The following SLIT1 variants were observed in gnomAD, a reference collection of about 807,000 sequenced individuals.
SLIT1 encodes slit homolog 1 protein.
In SLIT1, 66 loss-of-function variants were observed where a neutral mutation model predicts 186.1. The ratio of observed to expected loss-of-function variants is 0.35; its 90% CI spans 0.29 to 0.44. The LOEUF (loss-of-function observed/expected upper bound fraction) is 0.44, where lower values mean the gene tolerates loss of function less well. Among genes scored for constraint, SLIT1 ranks in the 20% least tolerant of loss-of-function variants. The probability of loss-of-function intolerance (pLI) is 1.00; values close to 1 mark genes in which losing one functional copy is unlikely to be tolerated. For synonymous variants in SLIT1, 761 were observed against 833.8 expected (o/e 0.91, Z 1.50); for missense variants, 1,638 against 2,037.4 (o/e 0.80, Z 3.77).
chr10:97,065,837 G>T (rs1014632968), intron 5 of SLIT1, among the ~76,000 whole-genome samples, 178 bp downstream of exon 5: 1 of 152,202 alleles, frequency 6.6e-6, no homozygotes, highest in African/African-American at 2.4e-5. Flanking sequence ...GGCAAGGGCT[G>T]CCTGTTTCCT....
intron 4 of SLIT1, among the ~76,000 whole-genome samples, chr10:97,116,232 C>T (rs1589399604): frequency 6.6e-6 from 1 of 152,126 alleles, no homozygotes; most frequent in East Asian, 1.9e-4. Flanking sequence ...GAGGAGGCAG[C>T]AGTAGGAGAG....
At chr10:97,030,534 C>T (rs971889323) in intron 25 of SLIT1, among the ~76,000 whole-genome samples, 1 of 152,242 alleles carries the variant, frequency 6.6e-6, no homozygotes, top group Non-Finnish European at 1.5e-5. Flanking sequence ...ATGGTCATGA[C>T]AACCTTCACT....
chr10:97,101,634 G>A (rs1023666235), intron 4 of SLIT1, among the ~76,000 whole-genome samples: 1 of 152,224 alleles, frequency 6.6e-6, no homozygotes, highest in Non-Finnish European at 1.5e-5. Context: ...TATGGGTTTA[G>A]GGCCTGCCCT....
chr10:97,118,756 G>T (rs1172945348), intron 4 of SLIT1, among the ~76,000 whole-genome samples: 1 of 152,096 alleles, frequency 6.6e-6, no homozygotes, highest in African/African-American at 2.4e-5. Flanking sequence ...TAACCTCTCT[G>T]AACTATACAT....
chr10:97,141,752 G>A (rs967771431), intron 4 of SLIT1, among the ~76,000 whole-genome samples: 25 of 138,088 alleles, frequency 1.8e-4, no homozygotes, highest in Non-Finnish European at 3.3e-4. Flanking sequence ...GTATCGTATC[G>A]TATCGTATCG....
At chr10:97,044,208 A>G (rs1390449207) in intron 18 of SLIT1, among the ~76,000 whole-genome samples, 1 of 152,238 alleles carries the variant, frequency 6.6e-6, no homozygotes, top group Non-Finnish European at 1.5e-5. Flanking sequence ...CAGCCTGGGC[A>G]ACATAGCGAG....
chr10:97,023,516 G>A (rs1848519298), intron 25 of SLIT1, among the ~76,000 whole-genome samples: 1 of 152,150 alleles, frequency 6.6e-6, no homozygotes, highest in South Asian at 2.1e-4. Flanking sequence ...GGCTGGGCCT[G>A]CTCTCACGCC....
At chr10:97,136,415 G>A (rs1849703913) in intron 4 of SLIT1, among the ~76,000 whole-genome samples, 1 of 152,190 alleles carries the variant, frequency 6.6e-6, no homozygotes, top group Admixed American at 6.5e-5. Flanking sequence ...CTTCTACAGT[G>A]TGAGTAGGTC....
intron 4 of SLIT1, among the ~76,000 whole-genome samples, chr10:97,126,395 G>A (rs1849603972): frequency 6.6e-6 from 1 of 152,188 alleles, no homozygotes; most frequent in Admixed American, 6.5e-5. Context: ...CATCCCCAGA[G>A]GAGTTTCAGG....
At chr10:97,095,089 C>T (rs1044295066) in intron 4 of SLIT1, among the ~76,000 whole-genome samples, 3 of 152,140 alleles carry the variant, frequency 2.0e-5, no homozygotes, top group Admixed American at 6.5e-5. Flanking sequence ...TCAAGACCAG[C>T]CTGGCCAACA....
At chr10:97,138,815 A>G (rs958920460) in intron 4 of SLIT1, among the ~76,000 whole-genome samples, 3 of 152,322 alleles carry the variant, frequency 2.0e-5, no homozygotes, top group East Asian at 3.9e-4. Flanking sequence ...GTGAAATACA[A>G]TGTTTCACTA....
intron 6 of SLIT1, 57 bp from the exon 7 acceptor site, chr10:97,064,296 C>T: frequency 2.1e-6 from 3 of 1,426,310 alleles, no homozygotes; most frequent in South Asian, 1.2e-5. Flanking sequence ...TGATGTGGGA[C>T]AGGGCCGCCC....
At chr10:97,143,867 AC>A (rs1849790368) in intron 4 of SLIT1, among the ~76,000 whole-genome samples, 1 of 152,208 alleles carries the variant, frequency 6.6e-6, no homozygotes, top group Non-Finnish European at 1.5e-5. Context: ...TCTAGGAAGG[AC>A]TTTTGATGCT....
At chr10:97,009,128 C>T (rs578103105) in intron 31 of SLIT1, among the ~76,000 whole-genome samples, 5 of 152,258 alleles carry the variant, frequency 3.3e-5, no homozygotes, top group East Asian at 3.9e-4. Context: ...CCGCCTGCCT[C>T]GGCCTCCCAA....
intron 4 of SLIT1, among the ~76,000 whole-genome samples, chr10:97,131,146 G>T (rs570333081): frequency 3.7e-4 from 57 of 152,266 alleles, no homozygotes; most frequent in African/African-American, 1.3e-3. Flanking sequence ...CTGTCAGTCG[G>T]CACCAAAGGA....
chr10:97,048,571 G>A (rs1848756985), intron 14 of SLIT1, among the ~76,000 whole-genome samples: 1 of 152,210 alleles, frequency 6.6e-6, no homozygotes. Flanking sequence ...TCAATAAAAT[G>A]AGGTGGGACT....
At chr10:97,097,734 T>C (rs1589392067) in intron 4 of SLIT1, among the ~76,000 whole-genome samples, 1 of 152,242 alleles carries the variant, frequency 6.6e-6, no homozygotes, top group Non-Finnish European at 1.5e-5. Flanking sequence ...TGCAGCCCTC[T>C]GCTATATGTC....
intron 13 of SLIT1, among the ~76,000 whole-genome samples, chr10:97,055,683 T>C (rs1848830317): frequency 6.6e-6 from 1 of 152,254 alleles, no homozygotes; most frequent in South Asian, 2.1e-4. Context: ...AGTACTACTC[T>C]TAATCTGCTT....
At chr10:97,097,562 C>A (rs896398735) in intron 4 of SLIT1, among the ~76,000 whole-genome samples, 1 of 152,182 alleles carries the variant, frequency 6.6e-6, no homozygotes, top group Non-Finnish European at 1.5e-5. Context: ...GTTTAGATTT[C>A]TTTCTTTATC....
Sources: allele counts gnomAD v4.1 joint callset (sites outside exome capture counted in the v4.1 genomes callset), GRCh38; gene constraint gnomAD v4.1.1; transcripts MANE v1.5; gene names NCBI Gene and HGNC (gene_info 2026-07-23, HGNC 2026-07-21).